Variants in ALDH3A2 observed in about 807,000 individuals in gnomAD.
The protein encoded by ALDH3A2 is aldehyde dehydrogenase 3 family member A2.
In ALDH3A2, 36 loss-of-function variants were observed where a neutral mutation model predicts 51.3. That is an observed-to-expected ratio of 0.70 (90% CI 0.54 to 0.93). The LOEUF is 0.93. Among genes scored for constraint, ALDH3A2 ranks in the 40% least tolerant of loss-of-function variants. The pLI, the probability that ALDH3A2 is intolerant of heterozygous loss-of-function variation, is 0.00. For synonymous variants in ALDH3A2, 199 were observed against 219.8 expected (o/e 0.91, Z 0.84); for missense variants, 552 against 603.1 (o/e 0.92, Z 0.89).
chr17:19,662,745 T>C (rs995392259), intron 6 of ALDH3A2, among the ~76,000 whole-genome samples: 24 of 152,104 alleles, frequency 1.6e-4, no homozygotes, highest in African/African-American at 5.6e-4. Context: ...TTAAGAAAAA[T>C]AGTATTGATT....
rs528817295 is a variant in ALDH3A2 at position 19,668,878 on chromosome 17, C to T, written c.1208-2843C>T. ...TGTACCTCCAGCTTGGGCAACAGAGCGAGACTCTGTCTCAAAAAAATAAGA... is the reference window on the plus strand; with the variant it reads ...TGTACCTCCAGCTTGGGCAACAGAGTGAGACTCTGTCTCAAAAAAATAAGA... On this transcript the variant is annotated intron_variant, in intron 8 of 9. Coordinates refer to ENST00000176643, the MANE Select transcript of ALDH3A2 (RefSeq NM_000382.3). 2.7e-4 allele frequency among the ~76,000 whole-genome samples: 36 copies of T among 131,656 alleles called. 10 individuals carry two copies. The South Asian group carries it at 9.1e-3, about 33-fold the overall frequency. The allele number at this position is 131,656 out of a possible 152,430, so 86.4% of individuals were successfully genotyped here.
intron 1 of ALDH3A2, among the ~76,000 whole-genome samples, chr17:19,650,456 T>C (rs1190948410): frequency 6.6e-6 from 1 of 151,556 alleles, no homozygotes; most frequent in Non-Finnish European, 1.5e-5. Context: ...TTGTTTTTGT[T>C]TTTGTTTTTT....
At position 19,656,317 on chromosome 17, in the gene ALDH3A2, G is replaced by A. The variant is rs757111853; in HGVS notation, c.472-49G>A. On this transcript the variant is annotated intron_variant, in intron 3 of 9. Coordinates refer to ENST00000176643, the MANE Select transcript of ALDH3A2 (RefSeq NM_000382.3). ...GTTGAAGAGATTGCTGATGTTAGAC[G>A]TTAGGATTTATTTGGCAGTGCAAGA... 2.0e-5 allele frequency: 30 copies of A among 1,474,266 alleles called. 1 individual carries two copies. The highest frequency in any genetic ancestry group is 8.5e-5 in the Admixed American group (5 of 58,916). The allele number at this position is 1,474,266 out of a possible 1,614,324, so 91.3% of individuals were successfully genotyped here.
chr17:19,649,173 C>T (rs1234493289), intron 1 of ALDH3A2, 49 bp downstream of exon 1: 2 of 1,532,176 alleles, frequency 1.3e-6, no homozygotes, highest in Admixed American at 2.0e-5. Context: ...CCGCCGCGCA[C>T]TTGTGGACTG....
At chr17:19,669,920 G>T (rs1382214155) in intron 8 of ALDH3A2, among the ~76,000 whole-genome samples, 1 of 152,054 alleles carries the variant, frequency 6.6e-6, no homozygotes, top group Non-Finnish European at 1.5e-5. Flanking sequence ...GATTACAGGT[G>T]TGAGCCACCG....
chr17:19,672,031 G>T (rs2085123458), intron 9 of ALDH3A2, 75 bp downstream of exon 9: 1 of 1,312,446 alleles, frequency 7.6e-7, no homozygotes, highest in Non-Finnish European at 1.1e-6. Context: ...ATTCTAGCAG[G>T]ACTCTACATT....
intron 8 of ALDH3A2, among the ~76,000 whole-genome samples, chr17:19,666,828 TAAAAC>T (rs1230747407): frequency 7.4e-5 from 11 of 149,570 alleles, no homozygotes; most frequent in Non-Finnish European, 1.5e-4. Context: ...AATAATAAAA[TAAAAC>T]AAGCAACCTA....
At position 19,654,411 on chromosome 17, in the gene ALDH3A2, C is replaced by T. The variant is rs997211760; in HGVS notation, c.471+1779C>T. Among the ~76,000 whole-genome samples the T allele has an allele frequency of 2.0e-5, 3 of 152,186 alleles. No homozygotes were observed. Among genetic ancestry groups the T allele is most frequent in the Non-Finnish European group, 4.4e-5 (3 of 68,026 alleles). ...GGGCAGCATGGGAACCCACCAGGGGCGGGGTGGGGGCCTTGGGCATGGCGG... is the reference window on the plus strand; with the variant it reads ...GGGCAGCATGGGAACCCACCAGGGGTGGGGTGGGGGCCTTGGGCATGGCGG... On this transcript the variant is annotated intron_variant, in intron 3 of 9. Transcript: ENST00000176643. This position sits in a 1 kb window ranked among gnomAD's most constrained non-coding sequence, Gnocchi z 4.5.
chr17:19,649,088 G>A lies in ALDH3A2; in HGVS notation c.117G>A (p.Lys39=). The part of the protein sequence containing the change: ...ALRRMVQERE[K]DILTAIAADL... The stretch of plus-strand genomic sequence containing the variant: ...GGAGGATGGTGCAGGAGCGCGAGAA[G>A]GATATCCTGACGGCCATCGCCGCCG... Residue 39 remains lysine (K), a synonymous_variant, in exon 1 of 10, where the codon AAG becomes AAA. Coordinates refer to ENST00000176643, the MANE Select transcript of ALDH3A2 (RefSeq NM_000382.3). The A allele has an allele frequency of 1.3e-6, 2 of 1,582,710 alleles. No homozygotes were observed. Among genetic ancestry groups the A allele is most frequent in the Non-Finnish European group, 1.7e-6 (2 of 1,164,966 alleles).
At chr17:19,669,269 C>T (rs553464878) in intron 8 of ALDH3A2, among the ~76,000 whole-genome samples, 3 of 152,222 alleles carry the variant, frequency 2.0e-5, no homozygotes, top group South Asian at 2.1e-4. Context: ...TGCCACTGCA[C>T]TCCAGCCTGG....
chr17:19,648,620 C>T, upstream of ALDH3A2: 1 of 346,574 alleles, frequency 2.9e-6, no homozygotes, highest in Non-Finnish European at 5.4e-6. Flanking sequence ...CCGCACTGCT[C>T]ACTCCACCCC....
intron 6 of ALDH3A2, 150 bp from the exon 7 acceptor site, chr17:19,663,183 A>G (rs2084989604): frequency 3.5e-6 from 3 of 846,680 alleles, no homozygotes; most frequent in Admixed American, 4.1e-5. Context: ...GTATGTGCAC[A>G]GTTCATCCAC....
intron 8 of ALDH3A2, among the ~76,000 whole-genome samples, chr17:19,666,302 C>G (rs2085037083): frequency 6.6e-6 from 1 of 152,134 alleles, no homozygotes; most frequent in Admixed American, 6.6e-5. Context: ...TCTGTTGTCT[C>G]TGTTCCTCAG....
At chr17:19,665,102 A>G (rs1567604307) in intron 8 of ALDH3A2, 55 bp downstream of exon 8, 1 of 1,461,534 alleles carries the variant, frequency 6.8e-7, no homozygotes, top group Non-Finnish European at 9.6e-7. Flanking sequence ...CCACCATTTC[A>G]TGAGTGGATT....
chr17:19,669,179 T>C (rs1474219484), intron 8 of ALDH3A2, among the ~76,000 whole-genome samples: 3 of 151,614 alleles, frequency 2.0e-5, no homozygotes, highest in Non-Finnish European at 2.9e-5. Flanking sequence ...GGCATGCACA[T>C]GTAGTCCCAG....
intron 8 of ALDH3A2, 101 bp downstream of exon 8, chr17:19,665,148 C>A: frequency 9.5e-7 from 1 of 1,055,788 alleles, no homozygotes; most frequent in Non-Finnish European, 1.4e-6. Flanking sequence ...GTTGCGTACC[C>A]TGATTGTCCT....
chr17:19,660,830 G>C (rs1416200554), intron 5 of ALDH3A2, among the ~76,000 whole-genome samples: 4 of 152,226 alleles, frequency 2.6e-5, no homozygotes, highest in Non-Finnish European at 5.9e-5. Flanking sequence ...TGCTCCCACT[G>C]TCAGCCCCAG....
chr17:19,648,960 C>G lies in ALDH3A2; in HGVS notation c.-12C>G. On this transcript the variant is annotated 5_prime_UTR_variant, in exon 1 of 10. Transcript: ENST00000176643. ...CGCCCCCGGACCGTGCAGTTCTCTG[C>G]AGGACCAGGCCATGGAGCTCGAAGT... The G allele has an allele frequency of 6.3e-7, 1 of 1,580,144 alleles. No homozygotes were observed. Among genetic ancestry groups the G allele is most frequent in the Non-Finnish European group, 8.6e-7 (1 of 1,164,012 alleles).
chr17:19,654,436 G>C lies in ALDH3A2; in HGVS notation c.471+1804G>C, dbSNP rs1222387469. ...CGGGGTGGGGGCCTTGGGCATGGCG[G>C]GCTGCAGGTCCCGAGCCCTGCCCTG... On this transcript the variant is annotated intron_variant, in intron 3 of 9. Coordinates refer to ENST00000176643, the MANE Select transcript of ALDH3A2 (RefSeq NM_000382.3). The surrounding 1 kb of genome is among the most constrained non-coding windows in gnomAD (Gnocchi z 4.5). 6.6e-6 allele frequency among the ~76,000 whole-genome samples: 1 copy of C among 152,232 alleles called. No individual in the cohort carries two copies. Among genetic ancestry groups the C allele is most frequent in the African/African-American group, 2.4e-5 (1 of 41,468 alleles).
Sources: gnomAD v4.1 joint callset for allele counts (sites outside exome capture counted in the v4.1 genomes callset) on GRCh38, gnomAD v4.1.1 for gene constraint, Gnocchi (gnomAD v3.1) non-coding constraint, MANE v1.5 for transcripts, NCBI Gene and HGNC (gene_info 2026-07-23, HGNC 2026-07-21) for gene names.